ACSS3: variants seen among roughly 807,000 people sequenced by gnomAD.
ACSS3 encodes the protein acyl-CoA synthetase short chain family member 3, also known as acyl-CoA synthetase short-chain family member 3, mitochondrial.
ACSS3 carries 64 observed loss-of-function variants against 84.2 expected under a neutral mutation model. The ratio of observed to expected loss-of-function variants is 0.76; its 90% CI spans 0.62 to 0.94. ACSS3 has a LOEUF of 0.94. Among genes scored for constraint, ACSS3 ranks in the 40% least tolerant of loss-of-function variants. The pLI is 0.00. For synonymous variants in ACSS3, 317 were observed against 310.1 expected (o/e 1.02, Z -0.23); for missense variants, 815 against 867.6 (o/e 0.94, Z 0.76).
chr12:81,245,382 A>C (rs1408424001), intron 13 of ACSS3, among the ~76,000 whole-genome samples: 10 of 152,244 alleles, frequency 6.6e-5, no homozygotes, highest in Admixed American at 6.5e-4. Flanking sequence ...GAATGGCGTG[A>C]ACCCGCAAGG....
chr12:81,206,549 A>C (rs1402015404), intron 9 of ACSS3, among the ~76,000 whole-genome samples: 1 of 151,908 alleles, frequency 6.6e-6, no homozygotes, highest in African/African-American at 2.4e-5. Flanking sequence ...GTGATGGGGG[A>C]AAAAGCAGTT....
intron 7 of ACSS3, among the ~76,000 whole-genome samples, chr12:81,172,681 T>G (rs989522982): frequency 6.6e-6 from 1 of 152,126 alleles, no homozygotes; most frequent in African/African-American, 2.4e-5. Flanking sequence ...CATAATTATC[T>G]AAAACATTGC....
chr12:81,101,448 TG>T (rs1882505055), intron 1 of ACSS3, among the ~76,000 whole-genome samples: 1 of 152,160 alleles, frequency 6.6e-6, no homozygotes, highest in Admixed American at 6.5e-5. Context: ...TTCTCTTACC[TG>T]GAGTTTACCA....
At chr12:81,207,419 T>G (rs1415308697) in intron 9 of ACSS3, among the ~76,000 whole-genome samples, 2 of 152,130 alleles carry the variant, frequency 1.3e-5, no homozygotes, top group Non-Finnish European at 2.9e-5. Context: ...AGGACTGCCT[T>G]TACATCCCAA....
chr12:81,243,037 G>T (rs1169400181), intron 13 of ACSS3, among the ~76,000 whole-genome samples: 3 of 151,698 alleles, frequency 2.0e-5, no homozygotes, highest in Admixed American at 1.3e-4. Context: ...GGAAATAAAG[G>T]GTATTCAATT....
intron 15 of ACSS3, among the ~76,000 whole-genome samples, chr12:81,254,226 T>A (rs2034239665): frequency 6.6e-6 from 1 of 152,120 alleles, no homozygotes; most frequent in African/African-American, 2.4e-5. Context: ...CACTGCTGCC[T>A]GCCAAAATAT....
At chr12:81,199,285 A>T in intron 8 of ACSS3, 56 bp from the exon 9 acceptor site, 1 of 1,471,924 alleles carries the variant, frequency 6.8e-7, no homozygotes, top group Non-Finnish European at 9.3e-7. Flanking sequence ...AAATGTAAAT[A>T]CAATTATTTA....
chr12:81,248,850 A>C (rs1465514869), intron 13 of ACSS3, among the ~76,000 whole-genome samples: 1 of 152,012 alleles, frequency 6.6e-6, no homozygotes, highest in African/African-American at 2.4e-5. Context: ...TGTACCAATA[A>C]ATTTATAAAA....
At chr12:81,245,409 C>G (rs772379861) in intron 13 of ACSS3, among the ~76,000 whole-genome samples, 4 of 152,188 alleles carry the variant, frequency 2.6e-5, no homozygotes, top group Non-Finnish European at 5.9e-5. Context: ...TTGCAGTGAG[C>G]TGAGATCGCG....
intron 2 of ACSS3, among the ~76,000 whole-genome samples, chr12:81,118,668 T>C (rs1400313344): frequency 1.3e-5 from 2 of 152,118 alleles, no homozygotes; most frequent in Non-Finnish European, 1.5e-5. Context: ...AAATTGTAAG[T>C]CCAGGGAAAT....
upstream of ACSS3, chr12:81,078,035 C>T (rs1880723625): frequency 1.4e-6 from 2 of 1,382,418 alleles, no homozygotes; most frequent in Admixed American, 3.0e-5. Context: ...AATTTGCCCC[C>T]GCCCCCTACT....
At chr12:81,092,833 A>G (rs1474733300) in intron 1 of ACSS3, among the ~76,000 whole-genome samples, 1 of 152,240 alleles carries the variant, frequency 6.6e-6, no homozygotes, top group East Asian at 1.9e-4. Flanking sequence ...TGACAAAAAT[A>G]TAATAAAGAT....
intron 13 of ACSS3, among the ~76,000 whole-genome samples, chr12:81,250,770 G>A (rs2034126979): frequency 6.6e-6 from 1 of 152,096 alleles, no homozygotes; most frequent in African/African-American, 2.4e-5. Context: ...TAAAACTCTG[G>A]TTAGCCAAGA....
intron 11 of ACSS3, among the ~76,000 whole-genome samples, chr12:81,222,227 T>A (rs1033498445): frequency 8.1e-4 from 123 of 152,192 alleles, no homozygotes; most frequent in African/African-American, 2.9e-3. Context: ...TGATGTAATA[T>A]GTTATGACAA....
At chr12:81,216,182 CT>C (rs1311600515) in intron 9 of ACSS3, among the ~76,000 whole-genome samples, 14 of 149,336 alleles carry the variant, frequency 9.4e-5, no homozygotes, top group African/African-American at 9.9e-5. Context: ...TGTGTGTAAT[CT>C]TTTTTTATTT....
chr12:81,186,166 A>T (rs1322118118), intron 8 of ACSS3, among the ~76,000 whole-genome samples: 1 of 151,770 alleles, frequency 6.6e-6, no homozygotes, highest in Non-Finnish European at 1.5e-5. Flanking sequence ...ATATAAAAGA[A>T]GGAAATTGGA....
chr12:81,137,159 T>C (rs772094914), intron 3 of ACSS3, among the ~76,000 whole-genome samples: 50 of 151,536 alleles, frequency 3.3e-4, no homozygotes, highest in Non-Finnish European at 5.7e-4. Flanking sequence ...TTTTTAAACA[T>C]GTTGAGTTAA....
At chr12:81,094,099 A>AAATCGGC (rs1398357484) in intron 1 of ACSS3, among the ~76,000 whole-genome samples, 2 of 151,998 alleles carry the variant, frequency 1.3e-5, no homozygotes, top group Non-Finnish European at 2.9e-5. Flanking sequence ...TTGCTTTTAT[A>AAATCGGC]AATCGGCAGA....
At chr12:81,159,511 G>A (rs1436820951) in intron 7 of ACSS3, among the ~76,000 whole-genome samples, 1 of 152,166 alleles carries the variant, frequency 6.6e-6, no homozygotes, top group Non-Finnish European at 1.5e-5. Context: ...AATTCTTGAA[G>A]GAAAATTGGA....
Sources: gnomAD v4.1 joint callset for allele counts (sites outside exome capture counted in the v4.1 genomes callset) on GRCh38, gnomAD v4.1.1 for gene constraint, MANE v1.5 for transcripts, NCBI Gene and HGNC (gene_info 2026-07-23, HGNC 2026-07-21) for gene names.